The following CELSR1 variants were observed in gnomAD, a reference collection of about 807,000 sequenced individuals.
CELSR1 encodes adhesion G protein-coupled receptor C1.
Under a neutral mutation model 249.1 loss-of-function variants are expected in CELSR1, and 110 were observed. The observed-to-expected ratio is 0.44, with a 90% confidence interval of 0.38 to 0.52. The LOEUF is 0.52. CELSR1 is among the 20% of genes least tolerant of loss of function. The pLI, the probability that CELSR1 is intolerant of heterozygous loss-of-function variation, is 0.00. For synonymous variants in CELSR1, 2,113 were observed against 1,900.0 expected, an observed-to-expected ratio of 1.11 and a Z score of -2.92; for missense variants, 4,109 against 4,296.4, an observed-to-expected ratio of 0.96 and a Z score of 1.22.
chr22:46,418,155 T>G (rs1389183429), intron 5 of CELSR1, among the ~76,000 whole-genome samples: 1 of 152,252 alleles, frequency 6.6e-6, no homozygotes, highest in Non-Finnish European at 1.5e-5. Flanking sequence ...TTCTCAAGTT[T>G]TGCTGTTTTA....
chr22:46,377,462 G>A (rs2078931690), intron 23 of CELSR1: 1 of 611,122 alleles, frequency 1.6e-6, no homozygotes, highest in Non-Finnish European at 2.9e-6. Context: ...CCTGGGCCCT[G>A]GGCATCCCTG....
At chr22:46,378,500 GGCAGGTTTGGCGGGGAGGT>G in intron 23 of CELSR1, 72 bp downstream of exon 23, 4 of 1,425,142 alleles carry the variant, frequency 2.8e-6, no homozygotes, top group Middle Eastern at 1.9e-4. Flanking sequence ...TTTGAGGACG[GGCAGGTTTGGCGGGGAGGT>G]GCAGGTTTGG....
At position 46,380,755 on chromosome 22, in the gene CELSR1, G is replaced by C. The variant is rs775388961; in HGVS notation, c.7256+33C>G. The stretch of plus-strand genomic sequence containing the variant: ...TGCGGGGGCACTCTGCCTTGGCAAA[G>C]CCCTCACATGGGGCTCCTGGCGTCA... On this transcript the variant is annotated intron_variant, in intron 22 of 34. Coordinates refer to ENST00000674500, the MANE Select transcript of CELSR1 (RefSeq NM_001378328.1). This position sits in a 1 kb window ranked among gnomAD's most constrained non-coding sequence, Gnocchi z 5.1. 10 of 1,603,764 alleles carry C rather than the reference G, an allele frequency of 6.2e-6. No individual in the cohort carries two copies. Among genetic ancestry groups the C allele is most frequent in the Non-Finnish European group, 4.3e-6 (5 of 1,174,568 alleles).
chr22:46,471,270 T>C lies in CELSR1; in HGVS notation c.3545-6925A>G, dbSNP rs535583943. Among the ~76,000 whole-genome samples, 1 of 152,338 alleles carries C rather than the reference T, an allele frequency of 6.6e-6. No homozygotes were observed. The highest frequency in any genetic ancestry group is 6.5e-5 in the Admixed American group (1 of 15,290). ...TGATTTTGTTTTTTGTTTGTTTTTA[T>C]AAAACTTAATTTTGAAACAGTTTTA... On this transcript the variant is annotated intron_variant, in intron 1 of 34. Coordinates refer to ENST00000674500, the MANE Select transcript of CELSR1 (RefSeq NM_001378328.1). This position sits in a 1 kb window ranked among gnomAD's most constrained non-coding sequence, Gnocchi z 4.9.
chr22:46,445,776 A>C lies in CELSR1; in HGVS notation c.4184-6365T>G, dbSNP rs2079812391. Among the ~76,000 whole-genome samples the C allele has an allele frequency of 6.6e-6, 1 of 152,054 alleles. No individual in the cohort carries two copies. Among genetic ancestry groups the C allele is most frequent in the Non-Finnish European group, 1.5e-5 (1 of 68,006 alleles). ...CTGGCTGGCAGAGCCTTTCCCGTCG[A>C]TGCTTCGGAGGTGGAAGCGTCCAGG... On this transcript the variant is annotated intron_variant, in intron 2 of 34. Transcript: ENST00000674500. The surrounding 1 kb of genome is among the most constrained non-coding windows in gnomAD (Gnocchi z 4.4).
chr22:46,392,010 G>A (rs1016864104), intron 14 of CELSR1, among the ~76,000 whole-genome samples, 194 bp from the exon 15 acceptor site: 12 of 152,204 alleles, frequency 7.9e-5, no homozygotes, highest in East Asian at 5.8e-4. Flanking sequence ...CCACAAGGCC[G>A]GACCCAGGAG....
rs2078965836 is a variant in CELSR1 at position 46,380,497 on chromosome 22, G to T, written c.7256+291C>A. Among the ~76,000 whole-genome samples the T allele has an allele frequency of 6.6e-6, 1 of 152,252 alleles. No individual in the cohort carries two copies. On this transcript the variant is annotated intron_variant, in intron 22 of 34. Coordinates refer to ENST00000674500, the MANE Select transcript of CELSR1 (RefSeq NM_001378328.1). This position sits in a 1 kb window ranked among gnomAD's most constrained non-coding sequence, Gnocchi z 5.1. ...CCGCTGCATGTCGGGAGTCCCGCAG[G>T]TGAGGGGTCCCCTTCCTGGGTGTCA...
At position 46,364,508 on chromosome 22, in the gene CELSR1, G is replaced by C; in HGVS notation, c.8779+4C>G. ...TTCACTGCAGCCCCGGCCTCCCCAG[G>C]CACCTTTCCTCTGCTCTGGGGGCTG... On this transcript the variant is annotated splice_donor_region_variant and intron_variant, in intron 33 of 34. Coordinates refer to ENST00000674500, the MANE Select transcript of CELSR1 (RefSeq NM_001378328.1). The C allele has an allele frequency of 6.2e-7, 1 of 1,606,866 alleles. No individual in the cohort carries two copies. Among genetic ancestry groups the C allele is most frequent in the Non-Finnish European group, 8.5e-7 (1 of 1,176,918 alleles).
At position 46,429,527 on chromosome 22, in the gene CELSR1, G is replaced by A. The variant is rs1467509549; in HGVS notation, c.4611+3866C>T. Among the ~76,000 whole-genome samples the A allele has an allele frequency of 2.6e-5, 4 of 152,220 alleles. No individual in the cohort carries two copies. The highest frequency in any genetic ancestry group is 1.9e-4 in the East Asian group (1 of 5,192). On this transcript the variant is annotated intron_variant, in intron 5 of 34. Transcript: ENST00000674500. The surrounding 1 kb of genome is among the most constrained non-coding windows in gnomAD (Gnocchi z 4.1). ...AAAAGACCGTCCTGGAAAAACGTCCGACTCCAATGTACCCTTTGGTTTTGC... is the reference window on the plus strand; with the variant it reads ...AAAAGACCGTCCTGGAAAAACGTCCAACTCCAATGTACCCTTTGGTTTTGC...
At chr22:46,507,451 C>G (rs116688038) in intron 1 of CELSR1, among the ~76,000 whole-genome samples, 1 of 152,034 alleles carries the variant, frequency 6.6e-6, no homozygotes, top group African/African-American at 2.4e-5. Flanking sequence ...CTGCAGCGTA[C>G]TCCAGCTGCC....
intron 1 of CELSR1, among the ~76,000 whole-genome samples, chr22:46,492,657 C>G: frequency 6.6e-6 from 1 of 152,102 alleles, no homozygotes; most frequent in East Asian, 1.9e-4. Flanking sequence ...AACCCCGTCT[C>G]TACTAAAAAT....
rs1020477004 is a variant in CELSR1 at position 46,441,370 on chromosome 22, G to A, written c.4184-1959C>T. Reference sequence around the variant, plus strand: ...AGAGGCCTCCAACCACGCTCCGGACGGCCAGTGGGATTCACACAGCCGCTG... The same window carrying A: ...AGAGGCCTCCAACCACGCTCCGGACAGCCAGTGGGATTCACACAGCCGCTG... On this transcript the variant is annotated intron_variant, in intron 2 of 34. Transcript: ENST00000674500. This position sits in a 1 kb window ranked among gnomAD's most constrained non-coding sequence, Gnocchi z 6.1. Among the ~76,000 whole-genome samples, 4 of 151,848 alleles carry A rather than the reference G, an allele frequency of 2.6e-5. No homozygotes were observed. The highest frequency in any genetic ancestry group is 9.7e-5 in the African/African-American group (4 of 41,308).
intron 12 of CELSR1, 68 bp downstream of exon 12, chr22:46,397,606 C>A: frequency 1.5e-6 from 2 of 1,335,118 alleles, no homozygotes; most frequent in South Asian, 3.7e-5. Context: ...CTAAACTGAG[C>A]CCCCCTCCTG....
Position 46,464,470 on chromosome 22 carries a change from C to A in CELSR1, c.3545-125G>T, listed in dbSNP as rs566432549. The A allele has an allele frequency of 1.3e-5, 12 of 959,930 alleles. No individual in the cohort carries two copies. In the African/African-American group the frequency reaches 1.8e-4, roughly 15 times the overall value. 59.5% of individuals were successfully genotyped at this position (959,930 alleles called of 1,614,324 possible). ...AGAAGAGAGCCTGGGCATCCCCACT[C>A]CCCATTCCCCACCCATGACCACCAC... On this transcript the variant is annotated intron_variant, in intron 1 of 34. Coordinates refer to ENST00000674500, the MANE Select transcript of CELSR1 (RefSeq NM_001378328.1). This position sits in a 1 kb window ranked among gnomAD's most constrained non-coding sequence, Gnocchi z 8.5.
intron 1 of CELSR1, among the ~76,000 whole-genome samples, chr22:46,513,105 C>T (rs1305294645): frequency 2.0e-5 from 3 of 152,188 alleles, no homozygotes; most frequent in Admixed American, 6.5e-5. Flanking sequence ...TTCAAACCCG[C>T]GACCACCATC....
chr22:46,367,787 G>T lies in CELSR1; in HGVS notation c.8021C>A (p.Ala2674Asp), dbSNP rs1008685346. 1.2e-6 allele frequency: 2 copies of T among 1,611,378 alleles called. No individual in the cohort carries two copies. The highest frequency in any genetic ancestry group is 2.7e-5 in the African/African-American group (2 of 75,042). The change falls in exon 28 of 35, where the codon GCT becomes GAT. Residue 2674 changes from alanine to aspartate, a missense_variant. Around this residue, in one of 7 missense-constraint regions of CELSR1, gnomAD observed 1,805 missense variants for 1,831.6 expected, o/e 0.99. Coordinates refer to ENST00000674500, the MANE Select transcript of CELSR1 (RefSeq NM_001378328.1). ...ISATWLLGLL[A>D]VNRDALSFHY... ...AAAGCTCAGTGCATCGCGGTTCACA[G>T]CCAGCAGCCCCAGCAGCCAGGTGGC...
chr22:46,526,709 C>A lies in CELSR1; in HGVS notation c.3544+6918G>T, dbSNP rs1389929860. Among the ~76,000 whole-genome samples the A allele has an allele frequency of 5.9e-5, 9 of 152,192 alleles. No individual in the cohort carries two copies. The highest frequency in any genetic ancestry group is 1.2e-4 in the Non-Finnish European group (8 of 68,046). ...GGTTATTCCTGCTCCAGCTCCCAAGCAGACTGTTCCCCACCCAGGAGGCTA... is the reference window on the plus strand; with the variant it reads ...GGTTATTCCTGCTCCAGCTCCCAAGAAGACTGTTCCCCACCCAGGAGGCTA... On this transcript the variant is annotated intron_variant, in intron 1 of 34. Transcript: ENST00000674500. The surrounding 1 kb of genome is among the most constrained non-coding windows in gnomAD (Gnocchi z 4.7).
In CELSR1 at chr22:46,395,480, C is replaced by T. The variant is rs535783804; in HGVS notation, c.5843+1125G>A. Among the ~76,000 whole-genome samples the T allele has an allele frequency of 7.3e-5, 11 of 150,888 alleles. No homozygotes were observed. Among genetic ancestry groups the T allele is most frequent in the African/African-American group, 2.2e-4 (9 of 40,644 alleles). ...TGCTTTCGCTCCCAGAATGCCCTCC[C>T]GCTTCAGCCACACTGGCTCCCACCT... On this transcript the variant is annotated intron_variant, in intron 13 of 34. Transcript: ENST00000674500. This position sits in a 1 kb window ranked among gnomAD's most constrained non-coding sequence, Gnocchi z 5.5.
chr22:46,370,913 C>T (rs1331739784), intron 25 of CELSR1, among the ~76,000 whole-genome samples: 2 of 152,198 alleles, frequency 1.3e-5, no homozygotes, highest in Non-Finnish European at 2.9e-5. Flanking sequence ...GTTTTTAAAG[C>T]AAGTAGGAAA....
Sources: allele counts gnomAD v4.1 joint callset (sites outside exome capture counted in the v4.1 genomes callset), GRCh38; gene constraint gnomAD v4.1.1; regional missense constraint gnomAD v4.1.1; non-coding constraint Gnocchi (gnomAD v3.1); transcripts MANE v1.5; gene names NCBI Gene and HGNC (gene_info 2026-07-23, HGNC 2026-07-21).